RYK: variants seen among roughly 807,000 people sequenced by gnomAD.
RYK encodes the protein inactive tyrosine-protein kinase RYK.
In RYK, 21 loss-of-function variants were observed where a neutral mutation model predicts 70.2. That is an observed-to-expected ratio of 0.30 (90% confidence interval 0.21 to 0.43). The LOEUF is 0.43. RYK is among the 20% of genes least tolerant of loss of function. The pLI is 1.00. For synonymous variants in RYK, 267 were observed against 278.0 expected (o/e 0.96, Z 0.39); for missense variants, 604 against 753.3 (o/e 0.80, Z 2.32).
At chr3:134,217,891 C>G (rs1474754633) in intron 2 of RYK, among the ~76,000 whole-genome samples, 4 of 152,074 alleles carry the variant, frequency 2.6e-5, no homozygotes, top group African/African-American at 9.7e-5. Context: ...TAAACGTAAT[C>G]AACTGTGCTA....
intron 13 of RYK, among the ~76,000 whole-genome samples, chr3:134,166,576 A>G (rs1239289289): frequency 6.6e-6 from 1 of 152,236 alleles, no homozygotes; most frequent in African/African-American, 2.4e-5. Context: ...CCAACATTGG[A>G]TGCTAACCAG....
At chr3:134,203,022 A>G (rs1366602735) in intron 5 of RYK, 148 bp from the exon 6 acceptor site, 2 of 682,664 alleles carry the variant, frequency 2.9e-6, no homozygotes, top group Admixed American at 3.2e-5. Flanking sequence ...AAGTTCACAT[A>G]ATTTTTTTGA....
At chr3:134,184,366 TA>T (rs2108158777) in intron 9 of RYK, among the ~76,000 whole-genome samples, 1 of 152,318 alleles carries the variant, frequency 6.6e-6, no homozygotes, top group East Asian at 1.9e-4. Flanking sequence ...AGCCTTCAAA[TA>T]TTTGCACAAA....
At chr3:134,223,753 T>C (rs916500381) in intron 1 of RYK, among the ~76,000 whole-genome samples, 2 of 152,188 alleles carry the variant, frequency 1.3e-5, no homozygotes, top group African/African-American at 4.8e-5. Context: ...ACATGACATA[T>C]ATATTCCACA....
At chr3:134,176,775 G>GCA (rs1466568501) in intron 11 of RYK, among the ~76,000 whole-genome samples, 2 of 152,114 alleles carry the variant, frequency 1.3e-5, no homozygotes, top group Non-Finnish European at 1.5e-5. Flanking sequence ...CTGCAGCTGG[G>GCA]TGCGGTGGCT....
intron 6 of RYK, among the ~76,000 whole-genome samples, chr3:134,199,421 T>G (rs528413533): frequency 2.6e-5 from 4 of 152,314 alleles, no homozygotes; most frequent in African/African-American, 7.2e-5. Flanking sequence ...ACAATGACAA[T>G]AGTGGATTAT....
chr3:134,179,875 A>T (rs1261188049), intron 10 of RYK: 1 of 152,242 alleles, frequency 6.6e-6, no homozygotes, highest in East Asian at 1.9e-4. Context: ...GGTGAAGTCA[A>T]ATCTTTTATT....
intron 2 of RYK, among the ~76,000 whole-genome samples, chr3:134,216,253 A>G (rs1213542579): frequency 1.3e-5 from 2 of 152,170 alleles, no homozygotes; most frequent in African/African-American, 4.8e-5. Flanking sequence ...ACACTTGTCT[A>G]CAGCCAAATA....
At chr3:134,179,802 T>C (rs2013231984) in intron 10 of RYK, 1 of 152,252 alleles carries the variant, frequency 6.6e-6, no homozygotes, top group Non-Finnish European at 1.5e-5. Flanking sequence ...TACTTCTGTT[T>C]CTTTCTTTGT....
chr3:134,219,603 G>A (rs1330877827), intron 2 of RYK, among the ~76,000 whole-genome samples: 2 of 152,118 alleles, frequency 1.3e-5, no homozygotes, highest in South Asian at 2.1e-4. Flanking sequence ...CAACATCAAA[G>A]GTAAGAATAA....
At chr3:134,249,715 A>ATCTT (rs1263563532) in intron 1 of RYK, among the ~76,000 whole-genome samples, 1 of 152,152 alleles carries the variant, frequency 6.6e-6, no homozygotes, top group Non-Finnish European at 1.5e-5. Context: ...AGAGTGGCCC[A>ATCTT]GAAGTACAGA....
intron 11 of RYK, 119 bp from the exon 12 acceptor site, chr3:134,176,158 G>A: frequency 1.5e-6 from 1 of 659,148 alleles, no homozygotes; most frequent in Non-Finnish European, 2.7e-6. Context: ...CCTACACACA[G>A]AATTTTTAAA....
chr3:134,168,261 C>A (rs531278934), intron 13 of RYK, among the ~76,000 whole-genome samples: 57 of 152,284 alleles, frequency 3.7e-4, no homozygotes, highest in African/African-American at 1.3e-3. Flanking sequence ...CCCAGCCATC[C>A]CATTACTGGG....
At chr3:134,213,486 G>A (rs2014461345) in intron 2 of RYK, among the ~76,000 whole-genome samples, 1 of 152,132 alleles carries the variant, frequency 6.6e-6, no homozygotes, top group African/African-American at 2.4e-5. Context: ...TCAGCCCACT[G>A]CTGGCCCCAG....
chr3:134,233,331 C>T (rs1282330914), intron 1 of RYK, among the ~76,000 whole-genome samples: 1 of 152,096 alleles, frequency 6.6e-6, no homozygotes, highest in Admixed American at 6.6e-5. Flanking sequence ...TTATGGAATA[C>T]ATTTGATGTT....
intron 1 of RYK, among the ~76,000 whole-genome samples, chr3:134,231,800 C>G (rs371768863): frequency 1.1e-4 from 16 of 152,242 alleles, no homozygotes; most frequent in African/African-American, 3.1e-4. Flanking sequence ...TGTTTCTTTA[C>G]AATCATGCCA....
intron 7 of RYK, among the ~76,000 whole-genome samples, chr3:134,193,320 A>G (rs1175739616): frequency 2.0e-5 from 3 of 151,960 alleles, no homozygotes; most frequent in Non-Finnish European, 4.4e-5. Flanking sequence ...AGTAGCTGGG[A>G]CTACAGGCGC....
intron 13 of RYK, among the ~76,000 whole-genome samples, chr3:134,174,385 C>T (rs929066174): frequency 5.9e-5 from 9 of 152,078 alleles, no homozygotes; most frequent in African/African-American, 9.7e-5. Flanking sequence ...AATTAATTAG[C>T]GTACAGTAAT....
At chr3:134,206,965 C>T (rs955455065) in intron 5 of RYK, among the ~76,000 whole-genome samples, 6 of 151,462 alleles carry the variant, frequency 4.0e-5, no homozygotes, top group Non-Finnish European at 7.4e-5. Flanking sequence ...TAAGACCCAA[C>T]GATGTCTTCA....
Sources: gnomAD v4.1 joint callset for allele counts (sites outside exome capture counted in the v4.1 genomes callset) on GRCh38, gnomAD v4.1.1 for gene constraint, MANE v1.5 for transcripts, NCBI Gene and HGNC (gene_info 2026-07-23, HGNC 2026-07-21) for gene names.